PRKCB: variants seen among roughly 807,000 people sequenced by gnomAD.
PRKCB encodes the protein protein kinase C beta.
In PRKCB, 13 loss-of-function variants were observed where a neutral mutation model predicts 81.5. The ratio of observed to expected loss-of-function variants is 0.16; its 90% CI spans 0.10 to 0.25. The LOEUF (loss-of-function observed/expected upper bound fraction) is 0.25, where lower values mean the gene tolerates loss of function less well. Among genes scored for constraint, PRKCB ranks in the 10% least tolerant of loss-of-function variants. The pLI, the probability that PRKCB is intolerant of heterozygous loss-of-function variation, is 1.00. For synonymous variants in PRKCB, 335 were observed against 321.4 expected, an observed-to-expected ratio of 1.04 and a Z score of -0.45; for missense variants, 509 against 875.7, an observed-to-expected ratio of 0.58 and a Z score of 5.29.
At chr16:24,107,708 C>T (rs77883340) in intron 7 of PRKCB, among the ~76,000 whole-genome samples, 4,500 of 152,326 alleles carry the variant, frequency 0.03, 229 homozygotes, top group African/African-American at 0.1. Context: ...TGGCACCATG[C>T]CCCTGCCCGC....
chr16:24,081,208 A>G (rs1160023308), intron 5 of PRKCB, among the ~76,000 whole-genome samples: 1 of 152,186 alleles, frequency 6.6e-6, no homozygotes, highest in African/African-American at 2.4e-5. Context: ...TATATAAATG[A>G]AAAATACACT....
intron 16 of PRKCB, among the ~76,000 whole-genome samples, chr16:24,207,270 C>A (rs555539201): frequency 6.6e-6 from 1 of 152,294 alleles, no homozygotes; most frequent in Admixed American, 6.5e-5. Flanking sequence ...CTCTTTATTT[C>A]TATTTTTCAA....
At chr16:23,994,795 G>A (rs2141826147) in intron 3 of PRKCB, among the ~76,000 whole-genome samples, 1 of 152,188 alleles carries the variant, frequency 6.6e-6, no homozygotes, top group East Asian at 1.9e-4. Context: ...ACCCACCAGA[G>A]CAGTTTTATT....
chr16:23,996,303 C>T (rs1257409630), intron 3 of PRKCB, among the ~76,000 whole-genome samples: 1 of 152,186 alleles, frequency 6.6e-6, no homozygotes, highest in Non-Finnish European at 1.5e-5. Flanking sequence ...CCCAGACACC[C>T]TGTCATCACA....
chr16:24,047,464 G>A (rs926189361), intron 5 of PRKCB, among the ~76,000 whole-genome samples: 2 of 151,966 alleles, frequency 1.3e-5, no homozygotes, highest in African/African-American at 4.8e-5. Context: ...CCAGGAGTTG[G>A]TGGCTGCGGT....
intron 8 of PRKCB, among the ~76,000 whole-genome samples, chr16:24,116,921 A>G (rs1381993549): frequency 6.6e-6 from 1 of 152,202 alleles, no homozygotes; most frequent in African/African-American, 2.4e-5. Context: ...AAGATTTGCT[A>G]CACAAACAGA....
chr16:24,143,504 T>A (rs1348545049), intron 9 of PRKCB, among the ~76,000 whole-genome samples: 1 of 152,068 alleles, frequency 6.6e-6, no homozygotes, highest in Non-Finnish European at 1.5e-5. Flanking sequence ...ATACCCAGTG[T>A]CATCCACAAG....
At chr16:24,182,781 C>T (rs941855092) in intron 13 of PRKCB, among the ~76,000 whole-genome samples, 4 of 152,010 alleles carry the variant, frequency 2.6e-5, no homozygotes, top group Admixed American at 1.3e-4. Flanking sequence ...GCCTGAATCA[C>T]GACCAGCGAG....
intron 12 of PRKCB, among the ~76,000 whole-genome samples, chr16:24,177,238 T>G (rs1474129834): frequency 1.3e-5 from 2 of 152,332 alleles, no homozygotes; most frequent in East Asian, 3.9e-4. Flanking sequence ...GAAGCCGCAC[T>G]GGGATCTGGG....
chr16:24,019,633 G>A (rs367900189), intron 3 of PRKCB, among the ~76,000 whole-genome samples: 4 of 151,998 alleles, frequency 2.6e-5, no homozygotes, highest in East Asian at 1.9e-4. Context: ...GCATGGTAGC[G>A]TGCACCAGTA....
chr16:23,987,850 C>T (rs1363765718), intron 2 of PRKCB, among the ~76,000 whole-genome samples: 1 of 152,182 alleles, frequency 6.6e-6, no homozygotes, highest in East Asian at 1.9e-4. Context: ...TTTCATTGTA[C>T]CTCCCCCAGA....
intron 5 of PRKCB, among the ~76,000 whole-genome samples, chr16:24,049,986 G>A (rs972503433): frequency 6.6e-6 from 1 of 152,210 alleles, no homozygotes; most frequent in South Asian, 2.1e-4. Flanking sequence ...CAGAGGAAGA[G>A]CAGTGGTGCA....
chr16:23,970,601 C>T (rs1964543189), intron 2 of PRKCB, among the ~76,000 whole-genome samples: 1 of 152,178 alleles, frequency 6.6e-6, no homozygotes, highest in Admixed American at 6.5e-5. Flanking sequence ...TCAGGTAGAC[C>T]TGAATTCAAA....
At chr16:24,168,595 G>T (rs1374657721) in intron 10 of PRKCB, among the ~76,000 whole-genome samples, 2 of 124,096 alleles carry the variant, frequency 1.6e-5, no homozygotes, top group Non-Finnish European at 3.3e-5. Flanking sequence ...CTGTTGCCTG[G>T]GCTGGAGTGC....
At chr16:23,947,432 C>T (rs7191874) in intron 2 of PRKCB, among the ~76,000 whole-genome samples, 1 of 152,142 alleles carries the variant, frequency 6.6e-6, no homozygotes, top group Non-Finnish European at 1.5e-5. Context: ...CAGGACTTTG[C>T]TGGGCAATCT....
At chr16:23,960,524 C>T (rs1228902546) in intron 2 of PRKCB, among the ~76,000 whole-genome samples, 2 of 151,752 alleles carry the variant, frequency 1.3e-5, no homozygotes, top group Non-Finnish European at 2.9e-5. Context: ...AGATTTGTTA[C>T]ATAGGTAAAC....
rs140953437 is a variant in PRKCB, at chr16:24,118,986, C to T, written c.919-4849C>T. Among the ~76,000 whole-genome samples, 573 of 152,132 alleles carry T rather than the reference C, an allele frequency of 3.8e-3. 1 individual carries two copies. The highest frequency in any genetic ancestry group is 5.9e-3 in the Non-Finnish European group (403 of 68,008). ...AGAAGGCGAAAGAGCTTGGCATCACCCAGTGTTAGCAGATCCCCTTCTTCA... is the reference window on the plus strand; with the variant it reads ...AGAAGGCGAAAGAGCTTGGCATCACTCAGTGTTAGCAGATCCCCTTCTTCA... On this transcript the variant is annotated intron_variant, in intron 8 of 16. Transcript: ENST00000643927.
chr16:23,967,169 C>T lies in PRKCB; in HGVS notation c.206-21339C>T, dbSNP rs145439215. Among the ~76,000 whole-genome samples, 36 of 152,214 alleles carry T rather than the reference C, an allele frequency of 2.4e-4. 1 individual carries two copies. The highest frequency in any genetic ancestry group is 1.2e-3 in the Admixed American group (18 of 15,288). On this transcript the variant is annotated intron_variant, in intron 2 of 16. Transcript: ENST00000643927. Reference sequence around the variant, plus strand: ...ATTTCAAGGTCGTTGGTGTGGAGGGCGCCTCCTCCCTCTCCTGCGTGGAGG... The same window carrying T: ...ATTTCAAGGTCGTTGGTGTGGAGGGTGCCTCCTCCCTCTCCTGCGTGGAGG...
At chr16:24,009,681 A>T (rs183382020) in intron 3 of PRKCB, among the ~76,000 whole-genome samples, 4 of 152,064 alleles carry the variant, frequency 2.6e-5, no homozygotes, top group African/African-American at 9.6e-5. Context: ...AATGTTGCAG[A>T]TACTATGGAA....
Sources: allele counts gnomAD v4.1 joint callset (sites outside exome capture counted in the v4.1 genomes callset), GRCh38; gene constraint gnomAD v4.1.1; transcripts MANE v1.5; gene names NCBI Gene and HGNC (gene_info 2026-07-23, HGNC 2026-07-21).